Variants in TNFRSF11A observed in about 807,000 individuals in gnomAD.
The protein encoded by TNFRSF11A is tumor necrosis factor receptor superfamily member 11A.
A neutral mutation model predicts 55.7 loss-of-function variants in TNFRSF11A; 32 were observed. That is an observed-to-expected ratio of 0.57 (90% CI 0.43 to 0.77). The LOEUF (loss-of-function observed/expected upper bound fraction) is 0.77. Ranked by LOEUF, TNFRSF11A falls within the 30% of genes least tolerant of loss-of-function variation. The pLI is 0.00. For synonymous variants in TNFRSF11A, 311 were observed against 331.0 expected (o/e 0.94, Z 0.65); for missense variants, 753 against 809.8 (o/e 0.93, Z 0.85).
chr18:62,349,059 GA>G (rs760345171), intron 2 of TNFRSF11A, among the ~76,000 whole-genome samples: 4 of 152,174 alleles, frequency 2.6e-5, no homozygotes, highest in Non-Finnish European at 5.9e-5. Context: ...GCAGAGGGGA[GA>G]GGGGATGGGT....
chr18:62,357,682 C>T (rs1909362176), intron 4 of TNFRSF11A, among the ~76,000 whole-genome samples: 2 of 152,124 alleles, frequency 1.3e-5, no homozygotes. Context: ...CTGTAGGGTT[C>T]TTCCTCGTCT....
At chr18:62,368,488 C>T (rs1360602642) in intron 8 of TNFRSF11A, among the ~76,000 whole-genome samples, 1 of 152,058 alleles carries the variant, frequency 6.6e-6, no homozygotes, top group African/African-American at 2.4e-5. Flanking sequence ...ATCTGAGATG[C>T]AGCTACATTC....
chr18:62,348,641 G>C (rs1209569266), intron 2 of TNFRSF11A, among the ~76,000 whole-genome samples: 1 of 152,114 alleles, frequency 6.6e-6, no homozygotes, highest in Non-Finnish European at 1.5e-5. Flanking sequence ...AACCACACTG[G>C]AATTGTTGCT....
At chr18:62,377,545 C>T (rs540599508) in intron 9 of TNFRSF11A, among the ~76,000 whole-genome samples, 3 of 152,292 alleles carry the variant, frequency 2.0e-5, no homozygotes, top group Admixed American at 6.5e-5. Context: ...CCCATGCTCG[C>T]CAGCATTTGG....
At position 62,384,959 on chromosome 18, in the gene TNFRSF11A, C is replaced by T. The variant is rs769676947; in HGVS notation, c.1776C>T (p.Cys592=). ...AGNGPRFPDP[C]GGPEGLREPE... ...ACGGCCCGCGCTTCCCGGACCCGTG[C>T]GGCGGCCCCGAGGGGCTGCGGGAGC... is the stretch of plus-strand genomic sequence containing the variant. The change falls in exon 10 of 10, where the codon TGC becomes TGT. Residue 592 remains cysteine (C), a synonymous_variant. Coordinates refer to ENST00000586569, the MANE Select transcript of TNFRSF11A (RefSeq NM_003839.4). 117 of 1,492,338 alleles carry T rather than the reference C, an allele frequency of 7.8e-5. 1 individual carries two copies. The Middle Eastern group carries it at 9.5e-4, about 12-fold the overall frequency. 92.4% of individuals were successfully genotyped at this position (1,492,338 alleles called of 1,614,324 possible). A position where few individuals can be genotyped will look rare whatever the true frequency, so the allele number is the denominator to read the frequency against.
At chr18:62,350,307 A>G (rs1405511582) in intron 3 of TNFRSF11A, among the ~76,000 whole-genome samples, 1 of 151,818 alleles carries the variant, frequency 6.6e-6, no homozygotes, top group Admixed American at 6.6e-5. Flanking sequence ...TTTTTAATTT[A>G]TTTGAGACGG....
intron 9 of TNFRSF11A, among the ~76,000 whole-genome samples, chr18:62,382,172 G>A (rs1172715726): frequency 7.1e-6 from 1 of 141,758 alleles, no homozygotes; most frequent in Admixed American, 7.3e-5. Flanking sequence ...GTGCAGTGGC[G>A]CGATCTTGAC....
In TNFRSF11A at chr18:62,348,198, A is replaced by G; in HGVS notation, c.106A>G (p.Ser36Gly). 1.2e-6 allele frequency: 2 copies of G among 1,614,124 alleles called. No homozygotes were observed. The highest frequency in any genetic ancestry group is 2.2e-5 in the East Asian group (1 of 44,888). The change falls in exon 2 of 10, where the codon AGT becomes GGT. Residue 36 changes from serine to glycine, a missense_variant. Ser to Gly is a moderately conservative substitution (Grantham distance 56). Around this residue, in one of 3 missense-constraint regions of TNFRSF11A, gnomAD observed 156 missense variants for 155.1 expected, o/e 1.01. Transcript: ENST00000586569. ...TTTGCAGATCGCTCCTCCATGTACCAGTGAGAAGCATTATGAGCATCTGGG... is the reference window on the plus strand; with the variant it reads ...TTTGCAGATCGCTCCTCCATGTACCGGTGAGAAGCATTATGAGCATCTGGG... ...VALQIAPPCT[S>G]EKHYEHLGRC...
Position 62,352,340 on chromosome 18 carries a change from C to A in TNFRSF11A, c.284-2051C>A, listed in dbSNP as rs1029058087. On this transcript the variant is annotated intron_variant, in intron 3 of 9. Coordinates refer to ENST00000586569, the MANE Select transcript of TNFRSF11A (RefSeq NM_003839.4). ...TGATCCTTGTGTATAGAAGTTTTTTCCCCAATGGACAGAATTAGAGAATAA... is the reference window on the plus strand; with the variant it reads ...TGATCCTTGTGTATAGAAGTTTTTTACCCAATGGACAGAATTAGAGAATAA... Among the ~76,000 whole-genome samples the A allele has an allele frequency of 3.9e-5, 6 of 152,286 alleles. No individual in the cohort carries two copies. The South Asian group carries it at 1.2e-3, about 32-fold the overall frequency.
chr18:62,327,267 G>A (rs947785171), intron 1 of TNFRSF11A, among the ~76,000 whole-genome samples: 54 of 152,156 alleles, frequency 3.5e-4, no homozygotes, highest in African/African-American at 1.3e-3. Context: ...TGAGACATTT[G>A]AGTTCGTTTT....
At position 62,368,771 on chromosome 18, in the gene TNFRSF11A, T is replaced by C; in HGVS notation, c.854T>C (p.Val285Ala). 1 of 1,614,182 alleles carries C rather than the reference T, an allele frequency of 6.2e-7. No homozygotes were observed. Among genetic ancestry groups the C allele is most frequent in the South Asian group, 1.1e-5 (1 of 91,082 alleles). ...NFGQQGACEG[V>A]LLLTLEEKTF... is the part of the protein sequence containing the mutation. ...GGTCAGCAGGGAGCATGTGAAGGTG[T>C]CTTACTGCTGACTCTGGAGGAGAAG... is the stretch of plus-strand genomic sequence containing the variant. Residue 285 changes from valine (V) to alanine (A), a missense_variant, in exon 9 of 10, where the codon GTC becomes GCC. Physicochemically the swap from Val to Ala is moderately conservative, Grantham distance 64 (BLOSUM62 0). Coordinates refer to ENST00000586569, the MANE Select transcript of TNFRSF11A (RefSeq NM_003839.4).
intron 9 of TNFRSF11A, among the ~76,000 whole-genome samples, chr18:62,375,262 C>T (rs1379432044): frequency 6.6e-6 from 1 of 151,962 alleles, no homozygotes; most frequent in Admixed American, 6.6e-5. Context: ...GCTGTGTTCA[C>T]GCCACTGCAC....
chr18:62,330,328 G>T (rs967003395), intron 1 of TNFRSF11A, among the ~76,000 whole-genome samples: 1 of 152,232 alleles, frequency 6.6e-6, no homozygotes. Flanking sequence ...GTGGTCACAT[G>T]TGTCTAAAGC....
At chr18:62,372,335 G>A (rs949859600) in intron 9 of TNFRSF11A, among the ~76,000 whole-genome samples, 2 of 152,158 alleles carry the variant, frequency 1.3e-5, no homozygotes. Context: ...CATTCTCACT[G>A]TGCCCCTAGA....
In TNFRSF11A at chr18:62,390,543, A is replaced by T. The variant is rs748999527; in HGVS notation, c.*5509A>T. On this transcript the variant is annotated 3_prime_UTR_variant, in exon 10 of 10. Transcript: ENST00000586569. ...CCCCTTCAGGAGGGCACTGGAGTCA[A>T]TGAAAGCTTTTGCTCTCACCCAGGC... 1 of 152,224 alleles carries T rather than the reference A, an allele frequency of 6.6e-6. No individual in the cohort carries two copies. Among genetic ancestry groups the T allele is most frequent in the Non-Finnish European group, 1.5e-5 (1 of 68,048 alleles). The allele number at this position is 152,224 out of a possible 1,614,324, so 9.4% of individuals were successfully genotyped here.
In TNFRSF11A at chr18:62,388,777, C is replaced by T. The variant is rs898867510; in HGVS notation, c.*3743C>T. On this transcript the variant is annotated 3_prime_UTR_variant, in exon 10 of 10. Transcript: ENST00000586569. ...GTACTGCTTCCACATTCCTTTGGCA[C>T]AGAAAACTGAAAAGTCACAACTTCT... The T allele has an allele frequency of 1.3e-5, 2 of 152,222 alleles. No homozygotes were observed. Among genetic ancestry groups the T allele is most frequent in the South Asian group, 2.1e-4 (1 of 4,836 alleles). The allele number at this position is 152,222 out of a possible 1,614,324, so 9.4% of individuals were successfully genotyped here.
chr18:62,334,939 CT>C (rs2046208224), intron 1 of TNFRSF11A, among the ~76,000 whole-genome samples: 1 of 152,106 alleles, frequency 6.6e-6, no homozygotes, highest in Non-Finnish European at 1.5e-5. Flanking sequence ...TGACAATGGA[CT>C]GTGAGATCAA....
At chr18:62,337,315 G>A (rs1485927309) in intron 1 of TNFRSF11A, among the ~76,000 whole-genome samples, 1 of 152,078 alleles carries the variant, frequency 6.6e-6, no homozygotes. Context: ...GGCAAAGGTG[G>A]TAATTCCTGC....
chr18:62,380,657 C>T (rs761937791), intron 9 of TNFRSF11A, among the ~76,000 whole-genome samples: 6 of 151,674 alleles, frequency 4.0e-5, no homozygotes, highest in African/African-American at 7.3e-5. Context: ...AGGATGGTCT[C>T]GATCTCCTGA....
Sources: allele counts gnomAD v4.1 joint callset (sites outside exome capture counted in the v4.1 genomes callset), GRCh38; gene constraint gnomAD v4.1.1; regional missense constraint gnomAD v4.1.1; transcripts MANE v1.5; gene names NCBI Gene and HGNC (gene_info 2026-07-23, HGNC 2026-07-21).